The following PACSIN2 variants were observed in gnomAD, a reference collection of about 807,000 sequenced individuals.
PACSIN2 encodes protein kinase C and casein kinase substrate in neurons protein 2.
PACSIN2 carries 25 observed loss-of-function variants against 63.8 expected under a neutral mutation model. The observed-to-expected ratio is 0.39, with a 90% CI of 0.29 to 0.55. The LOEUF (loss-of-function observed/expected upper bound fraction) is 0.55. Ranked by LOEUF, PACSIN2 falls within the 20% of genes least tolerant of loss-of-function variation. The probability of loss-of-function intolerance (pLI) is 0.62; values close to 1 mark genes in which losing one functional copy is unlikely to be tolerated. For missense variants in PACSIN2, 518 were observed against 646.9 expected (o/e 0.80, Z 2.16); for synonymous variants, 255 against 256.2 (o/e 1.00, Z 0.05).
Position 42,912,012 on chromosome 22 carries a change from G to A in PACSIN2, c.60+9C>T, listed in dbSNP as rs1931493151. The stretch of plus-strand genomic sequence containing the variant: ...CACTTCATTCACTGGAAGAAAGCAG[G>A]TGCATTACCTCCCAGAAGCTGTCGC... On this transcript the variant is annotated intron_variant, in intron 2 of 10. Transcript: ENST00000263246. 1 of 1,592,790 alleles carries A rather than the reference G, an allele frequency of 6.3e-7. No homozygotes were observed. Among genetic ancestry groups the A allele is most frequent in the Non-Finnish European group, 8.6e-7 (1 of 1,166,594 alleles).
intron 1 of PACSIN2, among the ~76,000 whole-genome samples, chr22:42,948,415 G>T (rs1933527634): frequency 6.6e-6 from 1 of 152,224 alleles, no homozygotes; most frequent in Non-Finnish European, 1.5e-5. Context: ...GCGCTATCTA[G>T]AAGTGAACTA....
At chr22:42,922,688 G>A (rs1932274260) in intron 1 of PACSIN2, among the ~76,000 whole-genome samples, 1 of 152,208 alleles carries the variant, frequency 6.6e-6, no homozygotes, top group African/African-American at 2.4e-5. Context: ...GGCCCAAGGT[G>A]AGAGGGCCCT....
chr22:42,909,118 G>A (rs1326251260), intron 2 of PACSIN2, among the ~76,000 whole-genome samples: 1 of 152,062 alleles, frequency 6.6e-6, no homozygotes, highest in African/African-American at 2.4e-5. Context: ...CGTCCAGCAA[G>A]CATCCAAGTG....
chr22:42,996,531 CAAAA>C (rs140591355), intron 1 of PACSIN2, among the ~76,000 whole-genome samples: 21 of 106,310 alleles, frequency 2.0e-4, no homozygotes, highest in East Asian at 2.6e-4. Flanking sequence ...GACTCTGCCG[CAAAA>C]AAAAAAAAAA....
At chr22:42,986,934 C>T (rs1922658402) in intron 1 of PACSIN2, among the ~76,000 whole-genome samples, 1 of 152,140 alleles carries the variant, frequency 6.6e-6, no homozygotes, top group Admixed American at 6.5e-5. Flanking sequence ...CCCCTAAGAT[C>T]CCCTTCTTGA....
At chr22:42,985,515 G>A (rs1922543052) in intron 1 of PACSIN2, among the ~76,000 whole-genome samples, 1 of 152,176 alleles carries the variant, frequency 6.6e-6, no homozygotes, top group Non-Finnish European at 1.5e-5. Flanking sequence ...GTCCAGGAGT[G>A]TCACCTTTAC....
At chr22:43,014,473 G>A (rs1023517236) in intron 1 of PACSIN2, among the ~76,000 whole-genome samples, 1 of 151,432 alleles carries the variant, frequency 6.6e-6, no homozygotes, top group East Asian at 2.0e-4. Context: ...CGCCCCCCAG[G>A]CCACCCCAGG....
intron 1 of PACSIN2, among the ~76,000 whole-genome samples, chr22:42,970,907 C>T (rs1449503238): frequency 1.3e-5 from 2 of 152,124 alleles, no homozygotes; most frequent in South Asian, 2.1e-4. Flanking sequence ...CACAGCTGTG[C>T]GGTCAGACAG....
chr22:42,966,412 A>G (rs1027280022), intron 1 of PACSIN2, among the ~76,000 whole-genome samples: 6 of 152,186 alleles, frequency 3.9e-5, no homozygotes, highest in African/African-American at 1.4e-4. Context: ...CGTGTACATA[A>G]AAAGGAATAA....
intron 3 of PACSIN2, among the ~76,000 whole-genome samples, chr22:42,892,171 A>G (rs760199673): frequency 6.6e-6 from 1 of 151,334 alleles, no homozygotes; most frequent in African/African-American, 2.4e-5. Context: ...TGGCATTTCT[A>G]TTCAGGGGGT....
At chr22:42,875,842 T>G (rs1338562340) in intron 10 of PACSIN2, among the ~76,000 whole-genome samples, 1 of 152,118 alleles carries the variant, frequency 6.6e-6, no homozygotes, top group East Asian at 1.9e-4. Flanking sequence ...TGGCCTAATT[T>G]TTTGTATTTT....
At chr22:42,984,444 G>A (rs1272411475) in intron 1 of PACSIN2, among the ~76,000 whole-genome samples, 2 of 152,124 alleles carry the variant, frequency 1.3e-5, no homozygotes, top group African/African-American at 4.8e-5. Context: ...CTTCCCTGAT[G>A]TTGATATGTG....
chr22:42,944,261 C>T lies in PACSIN2; in HGVS notation c.-77-32104G>A, dbSNP rs1233576850. Among the ~76,000 whole-genome samples, 4 of 152,272 alleles carry T rather than the reference C, an allele frequency of 2.6e-5. No homozygotes were observed. In the East Asian group the frequency reaches 7.7e-4, roughly 29 times the overall value. On this transcript the variant is annotated intron_variant, in intron 1 of 10. Coordinates refer to ENST00000263246, the MANE Select transcript of PACSIN2 (RefSeq NM_001184970.3). ...GGACACACAGATCAAGCGAGAAAGA[C>T]ATTTGTGTTAGGCTAAGTCTCTGAG...
chr22:42,908,269 G>A (rs911682842), intron 2 of PACSIN2, among the ~76,000 whole-genome samples: 16 of 152,168 alleles, frequency 1.1e-4, no homozygotes, highest in South Asian at 2.1e-4. Flanking sequence ...AATAAGTGGC[G>A]TCTGCCCTCC....
At chr22:42,887,764 C>T (rs1929600185) in intron 5 of PACSIN2, among the ~76,000 whole-genome samples, 1 of 151,842 alleles carries the variant, frequency 6.6e-6, no homozygotes, top group East Asian at 1.9e-4. Context: ...GGCAGAATCA[C>T]TTATCTACAC....
At chr22:42,925,883 T>C (rs762947383) in intron 1 of PACSIN2, among the ~76,000 whole-genome samples, 34 of 152,092 alleles carry the variant, frequency 2.2e-4, no homozygotes, top group Non-Finnish European at 3.8e-4. Flanking sequence ...CCCTGGGCCC[T>C]CTATGTCACC....
At chr22:42,936,830 G>A (rs1465448937) in intron 1 of PACSIN2, among the ~76,000 whole-genome samples, 2 of 144,030 alleles carry the variant, frequency 1.4e-5, no homozygotes, top group Non-Finnish European at 3.0e-5. Flanking sequence ...AGAATCACCT[G>A]AACCCGCGAG....
intron 1 of PACSIN2, among the ~76,000 whole-genome samples, chr22:42,960,072 G>A (rs1393030385): frequency 6.6e-6 from 1 of 152,078 alleles, no homozygotes; most frequent in Non-Finnish European, 1.5e-5. Flanking sequence ...GTATTTCCAC[G>A]GAAAATCAGG....
At chr22:42,956,763 C>T (rs1388643420) in intron 1 of PACSIN2, among the ~76,000 whole-genome samples, 2 of 152,076 alleles carry the variant, frequency 1.3e-5, no homozygotes, top group Admixed American at 6.5e-5. Context: ...AGGGGGCTGC[C>T]GTTTAACCCC....
Sources: allele counts gnomAD v4.1 joint callset (sites outside exome capture counted in the v4.1 genomes callset), GRCh38; gene constraint gnomAD v4.1.1; transcripts MANE v1.5; gene names NCBI Gene and HGNC (gene_info 2026-07-23, HGNC 2026-07-21).